Variants in NFIA observed in about 807,000 individuals in gnomAD.
The protein encoded by NFIA is nuclear factor I A.
A neutral mutation model predicts 62.8 loss-of-function variants in NFIA; 8 were observed. That is an observed-to-expected ratio of 0.13 (90% confidence interval 0.07 to 0.23). The LOEUF (loss-of-function observed/expected upper bound fraction) is 0.23. Ranked by LOEUF, NFIA falls within the 10% of genes least tolerant of loss-of-function variation. The probability of loss-of-function intolerance (pLI) is 1.00; values close to 1 mark genes in which losing one functional copy is unlikely to be tolerated. For synonymous variants in NFIA, 235 were observed against 238.1 expected (o/e 0.99, Z 0.12); for missense variants, 410 against 642.1 (o/e 0.64, Z 3.91).
At chr1:61,175,176 C>G (rs1025878280) in intron 2 of NFIA, among the ~76,000 whole-genome samples, 1 of 151,882 alleles carries the variant, frequency 6.6e-6, no homozygotes, top group Admixed American at 6.6e-5. Context: ...GGATCTCACT[C>G]TCTTGCCCAG....
At chr1:61,333,047 G>GCACGCACA (rs1432117803) in intron 4 of NFIA, among the ~76,000 whole-genome samples, 1 of 144,688 alleles carries the variant, frequency 6.9e-6, no homozygotes, top group African/African-American at 2.5e-5. Context: ...TAGCATGCAC[G>GCACGCACA]CACACACACA....
intron 3 of NFIA, among the ~76,000 whole-genome samples, chr1:61,318,422 G>A (rs1410168554): frequency 6.6e-6 from 1 of 152,062 alleles, no homozygotes; most frequent in Non-Finnish European, 1.5e-5. Flanking sequence ...CAGCCTTCTG[G>A]AACATTTATC....
Position 61,319,790 on chromosome 1 carries a change from A to AACACACACACACACACACAC in NFIA, c.626-12695_626-12676dup, listed in dbSNP as rs58845526. Among the ~76,000 whole-genome samples, 716 of 139,558 alleles carry AACACACACACACACACACAC rather than the reference A, an allele frequency of 5.1e-3. 9 individuals carry two copies. The highest frequency in any genetic ancestry group is 0.018 in the African/African-American group (638 of 35,530). The allele number at this position is 139,558 out of a possible 152,430, so 91.6% of individuals were successfully genotyped here. On this transcript the variant is annotated intron_variant, in intron 3 of 10. Coordinates refer to ENST00000403491, the MANE Select transcript of NFIA (RefSeq NM_001134673.4). The stretch of plus-strand genomic sequence containing the variant: ...CAATGATTTCTTCCTGGAAGAATTA[A>AACACACACACACACACACAC]ACACACACACACACACACACACACA...
intron 2 of NFIA, among the ~76,000 whole-genome samples, chr1:61,247,952 T>G (rs1408525154): frequency 6.6e-6 from 1 of 152,218 alleles, no homozygotes; most frequent in African/African-American, 2.4e-5. Context: ...GAGAATGTTA[T>G]CTTTCATTGT....
At chr1:61,392,744 A>G (rs1400855190) in intron 7 of NFIA, among the ~76,000 whole-genome samples, 1 of 152,264 alleles carries the variant, frequency 6.6e-6, no homozygotes, top group Non-Finnish European at 1.5e-5. Flanking sequence ...AGGACAGGTT[A>G]GAGCAGTGAG....
chr1:61,352,586 C>G lies in NFIA; in HGVS notation c.818+19C>G. The G allele has an allele frequency of 1.3e-6, 2 of 1,568,630 alleles. No individual in the cohort carries two copies. Among genetic ancestry groups the G allele is most frequent in the Non-Finnish European group, 1.8e-6 (2 of 1,138,986 alleles). ...CTACGAGGTAATTTTATTGGCAGCT[C>G]TTGAAGAAATTATGCTACATGGTTG... On this transcript the variant is annotated intron_variant, in intron 5 of 10. Coordinates refer to ENST00000403491, the MANE Select transcript of NFIA (RefSeq NM_001134673.4).
At chr1:61,371,779 AG>A (rs1388824914) in intron 6 of NFIA, among the ~76,000 whole-genome samples, 1 of 152,148 alleles carries the variant, frequency 6.6e-6, no homozygotes, top group African/African-American at 2.4e-5. Flanking sequence ...AGAGGAACCT[AG>A]TTTTGTCTAT....
intron 3 of NFIA, among the ~76,000 whole-genome samples, chr1:61,315,021 ATAAT>A (rs1218678926): frequency 6.6e-6 from 1 of 151,798 alleles, no homozygotes; most frequent in Non-Finnish European, 1.5e-5. Flanking sequence ...TTTTAGGTTT[ATAAT>A]TAAAGCACCT....
chr1:61,328,474 T>G (rs919830709), intron 3 of NFIA, among the ~76,000 whole-genome samples: 1 of 151,936 alleles, frequency 6.6e-6, no homozygotes, highest in Non-Finnish European at 1.5e-5. Context: ...CAAGCTGGAG[T>G]GCAATGGCAC....
intron 3 of NFIA, among the ~76,000 whole-genome samples, chr1:61,302,687 C>A (rs1024643090): frequency 6.6e-6 from 1 of 152,148 alleles, no homozygotes; most frequent in African/African-American, 2.4e-5. Flanking sequence ...GCAGGAAAAT[C>A]CAGCTGCATA....
intron 6 of NFIA, among the ~76,000 whole-genome samples, chr1:61,378,668 A>T (rs779282121): frequency 1.3e-5 from 2 of 152,144 alleles, no homozygotes; most frequent in Non-Finnish European, 2.9e-5. Context: ...GCTGAACTAG[A>T]TCTTCTGCTT....
At chr1:61,350,074 A>G (rs1570621161) in intron 4 of NFIA, among the ~76,000 whole-genome samples, 1 of 152,214 alleles carries the variant, frequency 6.6e-6, no homozygotes. Flanking sequence ...GCCTACCCTC[A>G]TGACAGACTG....
In NFIA at chr1:61,418,472, A is replaced by T. The variant is rs911529560; in HGVS notation, c.1421-7993A>T. On this transcript the variant is annotated intron_variant, in intron 9 of 10. Transcript: ENST00000403491. ...AAGACCCATCTCAAAAAAGAAAAAA[A>T]AAATCATCCATAATCCCAGTCTTCA... Among the ~76,000 whole-genome samples the T allele has an allele frequency of 1.3e-5, 2 of 152,172 alleles. 1 individual carries two copies. Among genetic ancestry groups the T allele is most frequent in the South Asian group, 4.1e-4 (2 of 4,830 alleles).
chr1:61,256,351 G>A (rs981675601), intron 2 of NFIA, among the ~76,000 whole-genome samples: 8 of 149,856 alleles, frequency 5.3e-5, no homozygotes, highest in South Asian at 4.2e-4. Flanking sequence ...CAGGAGAATC[G>A]CTTGAACCGA....
In NFIA at chr1:61,158,300, G is replaced by A. The variant is rs137867498; in HGVS notation, c.559+69620G>A. Among the ~76,000 whole-genome samples the A allele has an allele frequency of 4.6e-5, 7 of 152,022 alleles. No individual in the cohort carries two copies. The East Asian group carries it at 1.4e-3, about 29-fold the overall frequency. ...TCTTTCTTAATAATTTTACATTGCA[G>A]GTTTTATTTAATATACTGATCTACT... On this transcript the variant is annotated intron_variant, in intron 2 of 10. Coordinates refer to ENST00000403491, the MANE Select transcript of NFIA (RefSeq NM_001134673.4).
At chr1:61,110,430 AAAT>A (rs1646676021) in intron 2 of NFIA, among the ~76,000 whole-genome samples, 2 of 151,998 alleles carry the variant, frequency 1.3e-5, no homozygotes, top group African/African-American at 4.8e-5. Context: ...ATTTTTTAAA[AAAT>A]ATGCAGTATC....
chr1:61,380,646 A>G (rs1220012282), intron 6 of NFIA, among the ~76,000 whole-genome samples: 2 of 152,204 alleles, frequency 1.3e-5, no homozygotes, highest in Admixed American at 1.3e-4. Flanking sequence ...AGAAAATATT[A>G]AAGTATATAA....
intron 7 of NFIA, among the ~76,000 whole-genome samples, chr1:61,401,601 C>T (rs1665559920): frequency 6.6e-6 from 1 of 150,872 alleles, no homozygotes; most frequent in African/African-American, 2.5e-5. Context: ...ATTTCATAAT[C>T]TAACAATTAC....
intron 4 of NFIA, among the ~76,000 whole-genome samples, chr1:61,335,894 T>C (rs1354755877): frequency 6.6e-6 from 1 of 151,812 alleles, no homozygotes. Flanking sequence ...AAACACATGA[T>C]GTTAGCCCTG....
Sources: allele counts gnomAD v4.1 joint callset (sites outside exome capture counted in the v4.1 genomes callset), GRCh38; gene constraint gnomAD v4.1.1; transcripts MANE v1.5; gene names NCBI Gene and HGNC (gene_info 2026-07-23, HGNC 2026-07-21).